The following CNBD1 variants were observed in gnomAD, a reference collection of about 807,000 sequenced individuals.
CNBD1 encodes cyclic nucleotide-binding domain-containing protein 1.
A neutral mutation model predicts 54.4 loss-of-function variants in CNBD1; 71 were observed. The observed-to-expected ratio is 1.30, with a 90% CI of 1.08 to 1.59. CNBD1 has a LOEUF of 1.59. Among genes scored for constraint, CNBD1 ranks in the 40% most tolerant of loss-of-function variants. The pLI is 0.00. For synonymous variants in CNBD1, 182 were observed against 170.7 expected (o/e 1.07, Z -0.51); for missense variants, 659 against 518.0 (o/e 1.27, Z -2.64).
At chr8:87,322,580 T>C (rs1331016279) in intron 8 of CNBD1, among the ~76,000 whole-genome samples, 2 of 111,440 alleles carry the variant, frequency 1.8e-5, no homozygotes, top group Non-Finnish European at 3.9e-5. Context: ...TTTCATGTGT[T>C]TTTTGGCTGC....
chr8:87,272,505 C>A (rs1290391194), intron 6 of CNBD1, among the ~76,000 whole-genome samples: 1 of 151,836 alleles, frequency 6.6e-6, no homozygotes, highest in Admixed American at 6.6e-5. Flanking sequence ...AAAATGTGAG[C>A]AATTGAATTT....
At chr8:87,015,188 AG>A (rs1373379237) in intron 4 of CNBD1, among the ~76,000 whole-genome samples, 1 of 152,062 alleles carries the variant, frequency 6.6e-6, no homozygotes, top group Non-Finnish European at 1.5e-5. Flanking sequence ...TTTGTGGGGG[AG>A]GGGGCGAACG....
chr8:87,365,472 C>T (rs1328557867), intron 10 of CNBD1, among the ~76,000 whole-genome samples: 2 of 151,956 alleles, frequency 1.3e-5, no homozygotes, highest in Non-Finnish European at 2.9e-5. Context: ...AAAAAAGCCA[C>T]AGTAAAATGT....
intron 3 of CNBD1, among the ~76,000 whole-genome samples, chr8:86,916,549 A>G (rs1349032219): frequency 8.6e-6 from 1 of 116,178 alleles, no homozygotes; most frequent in African/African-American, 2.7e-5. Flanking sequence ...TATACCTGTT[A>G]AACTCTGCCA....
chr8:87,246,656 C>G (rs1807812313), intron 6 of CNBD1, among the ~76,000 whole-genome samples: 1 of 152,028 alleles, frequency 6.6e-6, no homozygotes, highest in African/African-American at 2.4e-5. Context: ...CATCCTGTCC[C>G]TTTTAGAATG....
At chr8:87,277,635 G>A (rs1461858338) in intron 6 of CNBD1, among the ~76,000 whole-genome samples, 1 of 151,684 alleles carries the variant, frequency 6.6e-6, no homozygotes, top group South Asian at 2.1e-4. Flanking sequence ...AAATATGTCA[G>A]TCTATCAGTT....
intron 4 of CNBD1, among the ~76,000 whole-genome samples, chr8:87,072,355 G>T (rs755071101): frequency 3.3e-5 from 5 of 152,100 alleles, no homozygotes; most frequent in Non-Finnish European, 5.9e-5. Context: ...CATGATGCTA[G>T]CTGTTTATTT....
chr8:86,946,689 T>C (rs1586153917), intron 4 of CNBD1, among the ~76,000 whole-genome samples: 1 of 136,802 alleles, frequency 7.3e-6, no homozygotes, highest in East Asian at 2.2e-4. Context: ...GGAATTTTTA[T>C]CATGTGTTGT....
At chr8:86,937,951 T>C (rs990799427) in intron 3 of CNBD1, among the ~76,000 whole-genome samples, 1 of 152,238 alleles carries the variant, frequency 6.6e-6, no homozygotes, top group African/African-American at 2.4e-5. Flanking sequence ...TTTTATGCTC[T>C]GCTTCCCTTT....
At chr8:87,054,646 C>T (rs1810377131) in intron 4 of CNBD1, among the ~76,000 whole-genome samples, 1 of 152,194 alleles carries the variant, frequency 6.6e-6, no homozygotes, top group African/African-American at 2.4e-5. Context: ...GAAAATGCAA[C>T]AGAAAACTCT....
At chr8:87,144,751 G>A (rs902321458) in intron 4 of CNBD1, among the ~76,000 whole-genome samples, 4 of 151,274 alleles carry the variant, frequency 2.6e-5, no homozygotes, top group Non-Finnish European at 4.4e-5. Context: ...AATCCAGGAG[G>A]CAGAGCTTGC....
chr8:87,234,839 A>G (rs1807540930), intron 5 of CNBD1, among the ~76,000 whole-genome samples: 1 of 152,088 alleles, frequency 6.6e-6, no homozygotes, highest in Non-Finnish European at 1.5e-5. Flanking sequence ...CCAGGAATTG[A>G]CTTCTTCTCT....
At chr8:87,180,597 A>G (rs533359310) in intron 4 of CNBD1, among the ~76,000 whole-genome samples, 2 of 152,314 alleles carry the variant, frequency 1.3e-5, no homozygotes, top group Admixed American at 6.5e-5. Context: ...TTTGTTATAT[A>G]TTAAAGAATA....
intron 8 of CNBD1, among the ~76,000 whole-genome samples, chr8:87,307,911 A>T (rs915435284): frequency 6.6e-6 from 1 of 152,110 alleles, no homozygotes; most frequent in Non-Finnish European, 1.5e-5. Context: ...TAGGAAGTTC[A>T]GGCATTTATC....
At chr8:87,217,959 A>G (rs1042294789) in intron 5 of CNBD1, among the ~76,000 whole-genome samples, 3 of 152,216 alleles carry the variant, frequency 2.0e-5, no homozygotes, top group African/African-American at 7.2e-5. Flanking sequence ...AAATTTTAAA[A>G]GCTTGATGGT....
At chr8:87,396,709 C>G (rs1811413501) in intron 2 of CNBD1, among the ~76,000 whole-genome samples, 1 of 151,518 alleles carries the variant, frequency 6.6e-6, no homozygotes, top group African/African-American at 2.4e-5. Flanking sequence ...TTAATTTTAT[C>G]ATATCAGTAG....
At chr8:86,995,212 A>G (rs1437525279) in intron 4 of CNBD1, among the ~76,000 whole-genome samples, 1 of 152,208 alleles carries the variant, frequency 6.6e-6, no homozygotes, top group East Asian at 1.9e-4. Flanking sequence ...GGATGAGGAG[A>G]TAAGAATACA....
chr8:87,352,441 C>T (rs1810319982), intron 9 of CNBD1, among the ~76,000 whole-genome samples: 1 of 143,168 alleles, frequency 7.0e-6, no homozygotes, highest in South Asian at 2.2e-4. Flanking sequence ...GATTGTGCCA[C>T]TGCACTCCAG....
At chr8:87,026,457 T>C (rs1002752590) in intron 4 of CNBD1, among the ~76,000 whole-genome samples, 3 of 151,996 alleles carry the variant, frequency 2.0e-5, no homozygotes, top group Admixed American at 1.3e-4. Context: ...AAATGTGATA[T>C]TTCTATTCTT....
Sources: gnomAD v4.1 joint callset for allele counts (sites outside exome capture counted in the v4.1 genomes callset) on GRCh38, gnomAD v4.1.1 for gene constraint, MANE v1.5 for transcripts, NCBI Gene and HGNC (gene_info 2026-07-23, HGNC 2026-07-21) for gene names.